Variants in MICAL3 observed in about 807,000 individuals in gnomAD.
The protein encoded by MICAL3 is [F-actin]-monooxygenase MICAL3.
A neutral mutation model predicts 207.4 loss-of-function variants in MICAL3; 62 were observed. The ratio of observed to expected loss-of-function variants is 0.30; its 90% CI spans 0.24 to 0.37. The LOEUF (loss-of-function observed/expected upper bound fraction) is 0.37. Ranked by LOEUF, MICAL3 falls within the 10% of genes least tolerant of loss-of-function variation. MICAL3 has a pLI of 1.00. For synonymous variants in MICAL3, 1,077 were observed against 1,069.3 expected, an observed-to-expected ratio of 1.01 and a Z score of -0.14; for missense variants, 2,368 against 2,635.6, an observed-to-expected ratio of 0.90 and a Z score of 2.22.
intron 22 of MICAL3, among the ~76,000 whole-genome samples, chr22:17,826,114 A>G (rs1367555367): frequency 6.6e-6 from 1 of 151,850 alleles, no homozygotes; most frequent in African/African-American, 2.4e-5. Flanking sequence ...CCCCTTTCAC[A>G]CTCAATCGGT....
Position 17,818,542 on chromosome 22 carries a change from C to G in MICAL3, c.4119G>C (p.Gln1373His). The change falls in exon 26 of 32, where the codon CAG becomes CAC. Residue 1373 changes from glutamine (Q) to histidine (H), a missense_variant. Gln to His is a conservative substitution (Grantham distance 24, BLOSUM62 0). Around this residue, in one of 4 missense-constraint regions of MICAL3, gnomAD observed 1,770 missense variants for 1,863.2 expected, o/e 0.95. Transcript: ENST00000441493. ...GCTTGAGAAGGTGGAGTCCCTCATC[C>G]TGGGGGGACTTTTCAACGGAATAGG... ...LKSYSVEKSP[Q>H]DEGLHLLKPL... 6.2e-7 allele frequency: 1 copy of G among 1,613,512 alleles called. No homozygotes were observed. The highest frequency in any genetic ancestry group is 1.3e-5 in the African/African-American group (1 of 75,054).
At chr22:17,883,257 G>T (rs574206712) in intron 16 of MICAL3, among the ~76,000 whole-genome samples, 1 of 152,106 alleles carries the variant, frequency 6.6e-6, no homozygotes, top group Non-Finnish European at 1.5e-5. Context: ...GAATGAATTC[G>T]CCTTCTGTCG....
At chr22:17,997,160 C>A (rs111306386) in intron 1 of MICAL3, among the ~76,000 whole-genome samples, 2 of 147,794 alleles carry the variant, frequency 1.4e-5, no homozygotes, top group Non-Finnish European at 3.0e-5. Flanking sequence ...GCCTCCTGAG[C>A]GCAGGCAATC....
intron 1 of MICAL3, among the ~76,000 whole-genome samples, chr22:17,952,527 T>A (rs1423982521): frequency 6.6e-6 from 1 of 152,148 alleles, no homozygotes; most frequent in Admixed American, 6.5e-5. Context: ...GAGAAGAGGC[T>A]CAGGAAGCAG....
chr22:17,906,736 T>C lies in MICAL3; in HGVS notation c.77A>G (p.Lys26Arg), dbSNP rs767439544. ...FDRFVQATTCKGTLKAFQELC... is the reference protein window; with the variant it reads ...FDRFVQATTCRGTLKAFQELC... The stretch of plus-strand genomic sequence containing the variant: ...CTCCTGGAAAGCCTTGAGGGTTCCC[T>C]TGCAGGTGGTGGCCTGGACAAACCG... Residue 26 changes from lysine (K) to arginine (R), a missense_variant, in exon 2 of 32, where the codon AAG becomes AGG. Coordinates refer to ENST00000441493, the MANE Select transcript of MICAL3 (RefSeq NM_015241.3). 2.5e-6 allele frequency: 4 copies of C among 1,613,910 alleles called. No individual in the cohort carries two copies. In the South Asian group the frequency reaches 4.4e-5, roughly 18 times the overall value.
chr22:17,918,646 C>T (rs1444403553), intron 1 of MICAL3, among the ~76,000 whole-genome samples: 1 of 152,132 alleles, frequency 6.6e-6, no homozygotes, highest in Non-Finnish European at 1.5e-5. Context: ...CCCAGACCTG[C>T]ACCCATACAC....
In MICAL3 at chr22:18,019,209, C is replaced by A. The variant is rs117416588; in HGVS notation, c.-75+5072G>T. ...GACCCTGTCTCAAAAAAAAAAGGAC[C>A]CACCCAAGATCAATATTCCATTATT... On this transcript the variant is annotated intron_variant, in intron 1 of 31. Transcript: ENST00000441493. The A allele has an allele frequency of 4.1e-3, 628 of 151,988 alleles. 4 individuals are homozygous for A. Among genetic ancestry groups the A allele is most frequent in the Non-Finnish European group, 6.4e-3 (435 of 67,948 alleles). 9.4% of individuals were successfully genotyped at this position (151,988 alleles called of 1,614,324 possible). A position where few individuals can be genotyped will look rare whatever the true frequency, so the allele number is the denominator to read the frequency against.
intron 1 of MICAL3, among the ~76,000 whole-genome samples, chr22:17,970,701 T>A (rs1051876632): frequency 6.6e-6 from 1 of 152,158 alleles, no homozygotes; most frequent in South Asian, 2.1e-4. Context: ...GTCCTTGAAT[T>A]GGGGTTGGTG....
chr22:17,978,047 T>C (rs1935735909), intron 1 of MICAL3, among the ~76,000 whole-genome samples: 1 of 137,570 alleles, frequency 7.3e-6, no homozygotes, highest in Non-Finnish European at 1.6e-5. Context: ...AATAATAAAA[T>C]AAAATAAAAT....
chr22:17,910,798 C>T (rs4819648), intron 1 of MICAL3, among the ~76,000 whole-genome samples: 28,403 of 152,184 alleles, frequency 0.19, 2,727 homozygotes, highest in East Asian at 0.3. Context: ...GGAAGCACAG[C>T]AGAGCAGGGC....
intron 1 of MICAL3, among the ~76,000 whole-genome samples, chr22:17,953,306 C>T (rs1220725278): frequency 6.6e-6 from 1 of 152,162 alleles, no homozygotes; most frequent in Non-Finnish European, 1.5e-5. Context: ...TCTCTGAAAC[C>T]AGTCCTAAGG....
At chr22:17,856,257 CAATTTT>C (rs1362677973) in intron 19 of MICAL3, among the ~76,000 whole-genome samples, 2 of 152,248 alleles carry the variant, frequency 1.3e-5, no homozygotes, top group Admixed American at 1.3e-4. Flanking sequence ...GCTTTACTGT[CAATTTT>C]TATTTGGGGA....
chr22:18,018,393 T>C (rs1924207312), intron 1 of MICAL3, among the ~76,000 whole-genome samples: 1 of 152,202 alleles, frequency 6.6e-6, no homozygotes. Flanking sequence ...TAATAAGAAA[T>C]ATATTTTGCA....
intron 29 of MICAL3, among the ~76,000 whole-genome samples, chr22:17,794,571 C>T (rs536618430): frequency 1.4e-4 from 22 of 152,340 alleles, no homozygotes; most frequent in East Asian, 5.8e-4. Context: ...TCCACCCGTC[C>T]GTGTCACTGT....
At chr22:17,974,022 A>G (rs887730781) in intron 1 of MICAL3, among the ~76,000 whole-genome samples, 6 of 152,172 alleles carry the variant, frequency 3.9e-5, no homozygotes, top group Non-Finnish European at 7.4e-5. Context: ...TCACCCAAAA[A>G]TGGTTTATAT....
intron 19 of MICAL3, chr22:17,863,766 A>G (rs1378223595): frequency 1.0e-6 from 1 of 985,250 alleles, no homozygotes; most frequent in African/African-American, 1.7e-5. Context: ...GCTGTTAGGG[A>G]AGGGAAAGGA....
In MICAL3 at chr22:17,866,278, A is replaced by G. The variant is rs372816229; in HGVS notation, c.2429-266T>C. 3.3e-5 allele frequency among the ~76,000 whole-genome samples: 5 copies of G among 152,372 alleles called. 1 individual carries two copies. The highest frequency in any genetic ancestry group is 1.2e-4 in the African/African-American group (5 of 41,598). ...TTGAGCCATCACCCAATCAGTGCCC[A>G]GAGCAAAGATGTGAGGCCTGTGTGG... On this transcript the variant is annotated intron_variant, in intron 17 of 31. Transcript: ENST00000441493.
In MICAL3 at chr22:17,885,905, G is replaced by A. The variant is rs768558931; in HGVS notation, c.2214C>T (p.Pro738=). Residue 738 remains proline, a synonymous_variant, in exon 16 of 32, where the codon CCC becomes CCT. Coordinates refer to ENST00000441493, the MANE Select transcript of MICAL3 (RefSeq NM_015241.3). The part of the protein sequence containing the change: ...QLLAKFEENA[P]AQSIGIRRQG... Reference sequence around the variant, plus strand: ...GTCTCCGTATGCCGATGGACTGTGCGGGCGCATTCTCTTCAAATTTGGCCA... The same window carrying A: ...GTCTCCGTATGCCGATGGACTGTGCAGGCGCATTCTCTTCAAATTTGGCCA... 42 of 1,613,810 alleles carry A rather than the reference G, an allele frequency of 2.6e-5. No individual in the cohort carries two copies. Among genetic ancestry groups the A allele is most frequent in the African/African-American group, 9.3e-5 (7 of 74,900 alleles).
intron 29 of MICAL3, among the ~76,000 whole-genome samples, chr22:17,794,227 G>A (rs1276735696): frequency 6.6e-6 from 1 of 152,226 alleles, no homozygotes; most frequent in Non-Finnish European, 1.5e-5. Flanking sequence ...TCATACCGGG[G>A]CCTTTGGGGC....
Sources: gnomAD v4.1 joint callset for allele counts (sites outside exome capture counted in the v4.1 genomes callset) on GRCh38, gnomAD v4.1.1 for gene constraint, gnomAD v4.1.1 regional missense constraint, MANE v1.5 for transcripts, NCBI Gene and HGNC (gene_info 2026-07-23, HGNC 2026-07-21) for gene names.